Variants in ABCC1 observed in about 807,000 individuals in gnomAD.
ABCC1 encodes multidrug resistance-associated protein 1.
A neutral mutation model predicts 172.9 loss-of-function variants in ABCC1; 83 were observed. The ratio of observed to expected loss-of-function variants is 0.48; its 90% CI spans 0.40 to 0.58. ABCC1 has a LOEUF of 0.58. ABCC1 is among the 20% of genes least tolerant of loss of function. The pLI, the probability that ABCC1 is intolerant of heterozygous loss-of-function variation, is 0.00. For synonymous variants in ABCC1, 937 were observed against 825.2 expected (o/e 1.14, Z -2.32); for missense variants, 1,817 against 2,002.7 (o/e 0.91, Z 1.77).
chr16:16,105,045 C>A (rs2052013052), intron 20 of ABCC1, among the ~76,000 whole-genome samples: 1 of 152,206 alleles, frequency 6.6e-6, no homozygotes, highest in Non-Finnish European at 1.5e-5. Flanking sequence ...GAGCCGGCTC[C>A]AGCCTTGGCC....
At chr16:16,104,957 A>G (rs903252166) in intron 20 of ABCC1, among the ~76,000 whole-genome samples, 2 of 151,880 alleles carry the variant, frequency 1.3e-5, no homozygotes, top group East Asian at 1.9e-4. Context: ...ACCCAGAACT[A>G]GCGCTGGCCC....
chr16:16,115,648 A>G (rs975485430), intron 23 of ABCC1, among the ~76,000 whole-genome samples: 3 of 152,124 alleles, frequency 2.0e-5, no homozygotes, highest in Non-Finnish European at 4.4e-5. Flanking sequence ...CGTCCAGCCT[A>G]AAATTTCTTC....
upstream of ABCC1, among the ~76,000 whole-genome samples, chr16:15,949,200 C>G (rs551362816): frequency 2.6e-5 from 4 of 152,120 alleles, no homozygotes; most frequent in African/African-American, 9.7e-5. Context: ...CCTTCATGAA[C>G]GTGGAGACTT....
rs16966996 is a variant in ABCC1, at chr16:16,103,811, A to G, written c.2735+1094A>G. Among the ~76,000 whole-genome samples the G allele has an allele frequency of 5.3e-3, 814 of 152,254 alleles. 8 individuals are homozygous for G. The highest frequency in any genetic ancestry group is 0.019 in the African/African-American group (783 of 41,568). On this transcript the variant is annotated intron_variant, in intron 20 of 30. Coordinates refer to ENST00000399410, the MANE Select transcript of ABCC1 (RefSeq NM_004996.4). ...CTTTTGCCATGGTTATCATCCGGAC[A>G]TGGTTATGGTCCGGAATTGGTGGGT...
intron 5 of ABCC1, among the ~76,000 whole-genome samples, chr16:16,026,519 C>T (rs2048380841): frequency 1.6e-5 from 2 of 126,744 alleles, no homozygotes; most frequent in South Asian, 5.3e-4. Flanking sequence ...GTGTTGGCCT[C>T]CCTATCGGTC....
intron 1 of ABCC1, among the ~76,000 whole-genome samples, chr16:15,971,642 G>C (rs1420147268): frequency 6.6e-6 from 1 of 152,182 alleles, no homozygotes; most frequent in African/African-American, 2.4e-5. Flanking sequence ...CGTTGAATGG[G>C]GAACAGCAGC....
At chr16:16,135,456 T>C (rs563590422) in intron 28 of ABCC1, among the ~76,000 whole-genome samples, 6 of 151,392 alleles carry the variant, frequency 4.0e-5, no homozygotes, top group Admixed American at 3.3e-4. Flanking sequence ...TTTCTTTCTC[T>C]TTTCTTTTTT....
At chr16:16,021,244 C>A (rs2048182078) in intron 5 of ABCC1, among the ~76,000 whole-genome samples, 2 of 151,954 alleles carry the variant, frequency 1.3e-5, no homozygotes, top group Admixed American at 1.3e-4. Context: ...TCAAGTATTA[C>A]CAGCAAGAAA....
At chr16:15,981,474 C>T (rs1217469174) in intron 1 of ABCC1, among the ~76,000 whole-genome samples, 1 of 152,200 alleles carries the variant, frequency 6.6e-6, no homozygotes, top group Non-Finnish European at 1.5e-5. Context: ...TCCACAGGCT[C>T]AATACCACAT....
chr16:15,972,676 G>A (rs2046395615), intron 1 of ABCC1, among the ~76,000 whole-genome samples: 2 of 152,074 alleles, frequency 1.3e-5, no homozygotes, highest in African/African-American at 4.8e-5. Flanking sequence ...CTAGCTGCAA[G>A]GGAGGCAGGA....
At chr16:16,076,528 C>T (rs2050580149) in intron 15 of ABCC1, 127 bp downstream of exon 15, 2 of 892,446 alleles carry the variant, frequency 2.2e-6, no homozygotes, top group Non-Finnish European at 3.3e-6. Flanking sequence ...CTTTCTAAGA[C>T]TTAGCTTACC....
At chr16:16,030,891 C>T (rs1207846630) in intron 5 of ABCC1, among the ~76,000 whole-genome samples, 1 of 151,936 alleles carries the variant, frequency 6.6e-6, no homozygotes, top group Middle Eastern at 3.2e-3. Context: ...AGACAGGGTC[C>T]CTAGGCTGGA....
chr16:16,050,169 T>TA (rs1031657312), intron 10 of ABCC1, among the ~76,000 whole-genome samples: 54 of 152,138 alleles, frequency 3.5e-4, no homozygotes, highest in African/African-American at 1.2e-3. Context: ...TATTATCTGT[T>TA]ATTGAAAGAG....
chr16:15,967,569 C>T (rs1010821537), intron 1 of ABCC1, among the ~76,000 whole-genome samples: 1 of 149,840 alleles, frequency 6.7e-6, no homozygotes, highest in Non-Finnish European at 1.5e-5. Context: ...AGAAAGACCC[C>T]ATCTCTACAA....
At chr16:16,011,970 G>A (rs1190315523) in intron 3 of ABCC1, among the ~76,000 whole-genome samples, 1 of 151,552 alleles carries the variant, frequency 6.6e-6, no homozygotes, top group East Asian at 2.0e-4. Context: ...CCCCCGGCCA[G>A]TTTGTTATTT....
chr16:16,091,950 C>T (rs2051272837), intron 19 of ABCC1, among the ~76,000 whole-genome samples: 1 of 152,106 alleles, frequency 6.6e-6, no homozygotes, highest in Admixed American at 6.6e-5. Flanking sequence ...GTAATTCACA[C>T]ACGTAGGCTG....
intron 26 of ABCC1, among the ~76,000 whole-genome samples, chr16:16,126,484 A>T (rs1460083642): frequency 2.6e-5 from 4 of 152,140 alleles, no homozygotes; most frequent in African/African-American, 9.7e-5. Flanking sequence ...CCCAGGTTCA[A>T]GTAATTCTCC....
intron 1 of ABCC1, among the ~76,000 whole-genome samples, chr16:15,966,425 AGT>A (rs1172801971): frequency 2.0e-5 from 3 of 149,270 alleles, no homozygotes; most frequent in Non-Finnish European, 4.5e-5. Flanking sequence ...AAAAAAAAAA[AGT>A]CAGGCTTTTC....
intron 22 of ABCC1, among the ~76,000 whole-genome samples, chr16:16,112,579 T>A (rs767942805): frequency 6.6e-6 from 1 of 152,168 alleles, no homozygotes. Context: ...ATTTTGGAGA[T>A]ACAGAAACTG....
Sources: gnomAD v4.1 joint callset for allele counts (sites outside exome capture counted in the v4.1 genomes callset) on GRCh38, gnomAD v4.1.1 for gene constraint, MANE v1.5 for transcripts, NCBI Gene and HGNC (gene_info 2026-07-23, HGNC 2026-07-21) for gene names.